The following ACACA variants were observed in gnomAD, a reference collection of about 807,000 sequenced individuals.
The protein encoded by ACACA is acetyl-CoA carboxylase 1.
Under a neutral mutation model 296.1 loss-of-function variants are expected in ACACA, and 103 were observed. The ratio of observed to expected loss-of-function variants is 0.35; its 90% CI spans 0.30 to 0.41. ACACA has a LOEUF of 0.41. Among genes scored for constraint, ACACA ranks in the 10% least tolerant of loss-of-function variants. The pLI, the probability that ACACA is intolerant of heterozygous loss-of-function variation, is 1.00. For synonymous variants in ACACA, 953 were observed against 1,038.6 expected (o/e 0.92, Z 1.58); for missense variants, 1,554 against 2,989.7 (o/e 0.52, Z 11.20).
At chr17:37,381,565 T>A (rs1225567280) in intron 1 of ACACA, among the ~76,000 whole-genome samples, 1 of 151,866 alleles carries the variant, frequency 6.6e-6, no homozygotes, top group African/African-American at 2.4e-5. Context: ...CATACTTTTT[T>A]ATATTTGCCT....
intron 19 of ACACA, 123 bp downstream of exon 19, chr17:37,246,703 G>A: frequency 7.6e-7 from 1 of 1,321,422 alleles, no homozygotes; most frequent in East Asian, 2.3e-5. Context: ...AAAGTGGTAG[G>A]ATTACAGGCA....
chr17:37,130,144 G>A lies in ACACA; in HGVS notation c.5754C>T (p.Thr1918=). The A allele has an allele frequency of 6.2e-7, 1 of 1,614,144 alleles. No homozygotes were observed. The highest frequency in any genetic ancestry group is 1.1e-5 in the South Asian group (1 of 91,076). Residue 1918 remains threonine (T), a synonymous_variant, in exon 46 of 56, where the codon ACC becomes ACT. Transcript: ENST00000616317. ...GIQIMHNNGV[T]HCTVCDDFEG... ...CAAAGTCATCACACACAGTGCAGTG[G>A]GTCACCCCATTGTTGTGCATAATCT...
rs2047815967 is a variant in ACACA at position 37,330,285 on chromosome 17, A to G, written c.226T>C (p.Leu76=). Residue 76 remains leucine (L), a synonymous_variant, in exon 3 of 56, where the codon TTG becomes CTG. Coordinates refer to ENST00000616317, the MANE Select transcript of ACACA (RefSeq NM_198834.3). The part of the protein sequence containing the change: ...SEDEISNLVK[L]DLLEEKEGSL... Reference sequence around the variant, plus strand: ...CCCTCCTTCTCCTCCAGTAGGTCCAACTTCACCAGGTTGCTGATCTCATCC... The same window carrying G: ...CCCTCCTTCTCCTCCAGTAGGTCCAGCTTCACCAGGTTGCTGATCTCATCC... The G allele has an allele frequency of 1.2e-6, 2 of 1,614,070 alleles. No individual in the cohort carries two copies. The highest frequency in any genetic ancestry group is 2.2e-5 in the East Asian group (1 of 44,888).
At chr17:37,291,582 G>T (rs186560836) in intron 3 of ACACA, among the ~76,000 whole-genome samples, 10 of 152,300 alleles carry the variant, frequency 6.6e-5, no homozygotes, top group Non-Finnish European at 1.5e-5. Flanking sequence ...CAGTCCATGG[G>T]CAGTGATTTG....
At chr17:37,206,018 T>C (rs1361041953) in intron 32 of ACACA, 146 bp from the exon 33 acceptor site, 1 of 703,588 alleles carries the variant, frequency 1.4e-6, no homozygotes, top group Non-Finnish European at 2.6e-6. Context: ...ATGAGCAAAT[T>C]GAAACCACTG....
rs531696513 is a variant in ACACA at position 37,359,254 on chromosome 17, T to C, written c.39-19404A>G. 326 of 657,130 alleles carry C rather than the reference T, an allele frequency of 5.0e-4. 2 individuals are homozygous for C. In the Middle Eastern group the frequency reaches 7.1e-3, roughly 14 times the overall value. 40.7% of individuals were successfully genotyped at this position (657,130 alleles called of 1,614,324 possible). A position where few individuals can be genotyped will look rare whatever the true frequency, so the allele number is the denominator to read the frequency against. On this transcript the variant is annotated intron_variant, in intron 1 of 55. Coordinates refer to ENST00000616317, the MANE Select transcript of ACACA (RefSeq NM_198834.3). The stretch of plus-strand genomic sequence containing the variant: ...CCAGGCCGTTCACCTCCGACCCCGC[T>C]CCGGGCTGCGGCGCTGCCAGGGCCG...
At chr17:37,359,120 C>G (rs1388006686) in intron 1 of ACACA, 3 of 985,478 alleles carry the variant, frequency 3.0e-6, no homozygotes, top group South Asian at 4.7e-5. Flanking sequence ...CAGGCCGGCC[C>G]GGCACACGGA....
chr17:37,162,210 T>G (rs966702399), intron 41 of ACACA, among the ~76,000 whole-genome samples, 160 bp from the exon 42 acceptor site: 1 of 152,214 alleles, frequency 6.6e-6, no homozygotes, highest in Non-Finnish European at 1.5e-5. Context: ...AAAGACATTC[T>G]AGTATACTGC....
Position 37,370,581 on chromosome 17 carries a change from C to T in ACACA, c.39-30731G>A, listed in dbSNP as rs867515452. Among the ~76,000 whole-genome samples the T allele has an allele frequency of 7.9e-5, 12 of 151,256 alleles. 1 individual carries two copies. The highest frequency in any genetic ancestry group is 4.2e-4 in the South Asian group (2 of 4,778). On this transcript the variant is annotated intron_variant, in intron 1 of 55. Coordinates refer to ENST00000616317, the MANE Select transcript of ACACA (RefSeq NM_198834.3). The stretch of plus-strand genomic sequence containing the variant: ...CTGAGGCAGAAGAATTGCTTGAACC[C>T]GGGAGGTGGACGTTGCAGTGAGCCG...
At chr17:37,301,875 T>C (rs2146894867) in intron 3 of ACACA, among the ~76,000 whole-genome samples, 1 of 152,350 alleles carries the variant, frequency 6.6e-6, no homozygotes, top group Middle Eastern at 3.4e-3. Context: ...TGATATGGAC[T>C]GTGAATTTAT....
At position 37,253,458 on chromosome 17, in the gene ACACA, G is replaced by A. The variant is rs77965543; in HGVS notation, c.1827-422C>T. On this transcript the variant is annotated intron_variant, in intron 14 of 55. Transcript: ENST00000616317. ...ATTCCTTTGGAATCTTGAGAGGGAAGGGAGAGAGGCAGTTCCAAAAACAAA... is the reference window on the plus strand; with the variant it reads ...ATTCCTTTGGAATCTTGAGAGGGAAAGGAGAGAGGCAGTTCCAAAAACAAA... Among the ~76,000 whole-genome samples the A allele has an allele frequency of 9.7e-3, 1,469 of 152,146 alleles. 11 individuals are homozygous for A. The highest frequency in any genetic ancestry group is 0.016 in the Non-Finnish European group (1,073 of 68,006).
intron 29 of ACACA, among the ~76,000 whole-genome samples, chr17:37,213,101 T>C (rs1356880384): frequency 1.3e-5 from 2 of 151,878 alleles, no homozygotes; most frequent in African/African-American, 2.4e-5. Flanking sequence ...GTGGATCACT[T>C]GAGCCCAGGA....
intron 1 of ACACA, among the ~76,000 whole-genome samples, chr17:37,369,748 C>T (rs2049734258): frequency 6.6e-6 from 1 of 152,072 alleles, no homozygotes; most frequent in African/African-American, 2.4e-5. Context: ...TCTGTAACTG[C>T]AGGCTGGAGG....
intron 50 of ACACA, among the ~76,000 whole-genome samples, chr17:37,116,820 C>T (rs1424415969): frequency 6.6e-6 from 1 of 152,182 alleles, no homozygotes; most frequent in Non-Finnish European, 1.5e-5. Flanking sequence ...AGAGCAAAAG[C>T]ACAGCCAATA....
intron 48 of ACACA, among the ~76,000 whole-genome samples, chr17:37,123,390 T>C (rs138905385): frequency 6.6e-6 from 1 of 152,310 alleles, no homozygotes; most frequent in East Asian, 1.9e-4. Flanking sequence ...CACCTTATAC[T>C]CCACTATGAC....
At chr17:37,315,117 C>T (rs2047029378) in intron 3 of ACACA, among the ~76,000 whole-genome samples, 1 of 151,998 alleles carries the variant, frequency 6.6e-6, no homozygotes, top group Admixed American at 6.6e-5. Flanking sequence ...TGCCACCACG[C>T]CCAACTAATT....
chr17:37,228,769 T>G (rs1157036754), intron 25 of ACACA, among the ~76,000 whole-genome samples: 2 of 152,144 alleles, frequency 1.3e-5, no homozygotes, highest in Non-Finnish European at 2.9e-5. Context: ...AGAAGTCTAC[T>G]GGGTAATGCC....
intron 1 of ACACA, among the ~76,000 whole-genome samples, chr17:37,381,785 A>G (rs200297007): frequency 0.013 from 1,914 of 150,964 alleles, 25 homozygotes; most frequent in Non-Finnish European, 0.02. Context: ...TCGCCACCAC[A>G]CCCAGTTAAT....
intron 1 of ACACA, among the ~76,000 whole-genome samples, chr17:37,375,314 G>A (rs2049959517): frequency 6.6e-6 from 1 of 152,062 alleles, no homozygotes; most frequent in African/African-American, 2.4e-5. Context: ...GTGAAACGCT[G>A]TCTCTACTAA....
Sources: allele counts gnomAD v4.1 joint callset (sites outside exome capture counted in the v4.1 genomes callset), GRCh38; gene constraint gnomAD v4.1.1; transcripts MANE v1.5; gene names NCBI Gene and HGNC (gene_info 2026-07-23, HGNC 2026-07-21).